VPS11: variants seen among roughly 807,000 people sequenced by gnomAD.
VPS11 encodes the protein VPS11 core subunit of CORVET and HOPS complexes.
A neutral mutation model predicts 106.8 loss-of-function variants in VPS11; 51 were observed. The ratio of observed to expected loss-of-function variants is 0.48; its 90% CI spans 0.38 to 0.60. The LOEUF (loss-of-function observed/expected upper bound fraction) is 0.60. VPS11 is among the 20% of genes least tolerant of loss of function. The pLI is 0.00. For missense variants in VPS11, 950 were observed against 1,190.0 expected (o/e 0.80, Z 2.97); for synonymous variants, 453 against 458.7 (o/e 0.99, Z 0.16).
intron 6 of VPS11, 70 bp from the exon 7 acceptor site, chr11:119,073,730 T>G (rs1006534267): frequency 6.6e-7 from 1 of 1,522,974 alleles, no homozygotes; most frequent in African/African-American, 1.4e-5. Flanking sequence ...TTGTGTGTTG[T>G]GCGCACATTT....
Position 119,067,918 on chromosome 11 carries a change from C to G in VPS11, c.95C>G (p.Thr32Arg). The G allele has an allele frequency of 6.2e-7, 1 of 1,610,030 alleles. No homozygotes were observed. The highest frequency in any genetic ancestry group is 8.5e-7 in the Non-Finnish European group (1 of 1,178,172). Reference sequence around the variant, plus strand: ...AATGATGGGGCCGCTCCCGGGGCCACACCTGCTTCTGGATCCGCTGCTTCC... The same window carrying G: ...AATGATGGGGCCGCTCCCGGGGCCAGACCTGCTTCTGGATCCGCTGCTTCC... ...LSNDGAAPGATPASGSAASKF... is the reference protein window; with the variant it reads ...LSNDGAAPGARPASGSAASKF... Residue 32 changes from threonine (T) to arginine (R), a missense_variant, in exon 1 of 16, where the codon ACA becomes AGA. Physicochemically the swap from Thr to Arg is moderately conservative, Grantham distance 71. Coordinates refer to ENST00000621676, the MANE Select transcript of VPS11 (RefSeq NM_021729.6).
In VPS11 at chr11:119,069,333, A is replaced by G. The variant is rs2134742699; in HGVS notation, c.325A>G (p.Ile109Val). The change falls in exon 2 of 16, where the codon ATC (isoleucine) becomes GTC (valine). Residue 109 changes from isoleucine (I) to valine (V), a missense_variant. Around this residue, in one of 3 missense-constraint regions of VPS11, gnomAD observed 435 missense variants for 630.2 expected, o/e 0.69. Transcript: ENST00000621676. ...LASVGEDEEGINPLVKIWNLE... is the reference protein window; with the variant it reads ...LASVGEDEEGVNPLVKIWNLE... ...ATCTGTTGGAGAAGATGAAGAGGGC[A>G]TCAACCCCTTGGTGAGTCCCAGCAG... is the stretch of plus-strand genomic sequence containing the variant. 1 of 1,614,034 alleles carries G rather than the reference A, an allele frequency of 6.2e-7. No individual in the cohort carries two copies. The highest frequency in any genetic ancestry group is 2.2e-5 in the East Asian group (1 of 44,884).
chr11:119,068,299 G>A (rs2133641576), intron 1 of VPS11: 94 of 403,122 alleles, frequency 2.3e-4, no homozygotes, highest in Non-Finnish European at 3.7e-4. Context: ...ATAAGAAAAA[G>A]AATGCAAGTT....
chr11:119,070,552 C>A, intron 4 of VPS11, 155 bp downstream of exon 4: 1 of 873,814 alleles, frequency 1.1e-6, no homozygotes, highest in Non-Finnish European at 1.6e-6. Flanking sequence ...ATTTTTTTGC[C>A]TAGGAAGCTG....
chr11:119,077,155 C>T lies in VPS11; in HGVS notation c.1425+72C>T, dbSNP rs1028975078. 10 of 1,539,058 alleles carry T rather than the reference C, an allele frequency of 6.5e-6. No homozygotes were observed. The African/African-American group carries it at 6.8e-5, about 11-fold the overall frequency. On this transcript the variant is annotated intron_variant, in intron 8 of 15. Coordinates refer to ENST00000621676, the MANE Select transcript of VPS11 (RefSeq NM_021729.6). ...TGAGGTGGCTCCACCGGGACTTGTT[C>T]GTTTCAGCAAGACATAGGGAGAGGA...
intron 9 of VPS11, 91 bp downstream of exon 9, chr11:119,077,738 AC>A: frequency 6.5e-7 from 1 of 1,540,266 alleles, no homozygotes; most frequent in East Asian, 2.3e-5. Flanking sequence ...TGATCCTCCC[AC>A]CCCATCCTCC....
chr11:119,077,553 T>A lies in VPS11; in HGVS notation c.1478T>A (p.Leu493His), dbSNP rs781873732. 1.9e-6 allele frequency: 3 copies of A among 1,613,908 alleles called. No individual in the cohort carries two copies. The East Asian group carries it at 6.7e-5, about 36-fold the overall frequency. The stretch of plus-strand genomic sequence containing the variant: ...GATGTGGAGACAGCCATCAAGGTCC[T>A]CCGGCAGGCTGGCTACTACTCCCAT... ...HFDVETAIKVLRQAGYYSHAL... is the reference protein window; with the variant it reads ...HFDVETAIKVHRQAGYYSHAL... Residue 493 changes from leucine (L) to histidine (H), a missense_variant, in exon 9 of 16, where the codon CTC becomes CAC. By Grantham distance (99) the Leu-to-His change is moderately conservative. Transcript: ENST00000621676.
In VPS11 at chr11:119,069,245, C is replaced by T. The variant is rs782149694; in HGVS notation, c.237C>T (p.Gly79=). Reference sequence around the variant, plus strand: ...TGCCACGTTCCCTACAGCTTACAGGCTTCCAAGCCTACAAACTACGGGTGA... The same window carrying T: ...TGCCACGTTCCCTACAGCTTACAGGTTTCCAAGCCTACAAACTACGGGTGA... ...WFLPRSLQLT[G]FQAYKLRVTH... is the part of the protein sequence containing the mutation. Residue 79 remains glycine (G), a synonymous_variant, in exon 2 of 16, where the codon GGC becomes GGT. Coordinates refer to ENST00000621676, the MANE Select transcript of VPS11 (RefSeq NM_021729.6). 1.2e-5 allele frequency: 20 copies of T among 1,613,866 alleles called. No homozygotes were observed. Among genetic ancestry groups the T allele is most frequent in the Admixed American group, 1.7e-5 (1 of 59,992 alleles).
intron 8 of VPS11, 46 bp from the exon 9 acceptor site, chr11:119,077,455 C>A: frequency 6.3e-7 from 1 of 1,592,604 alleles, no homozygotes; most frequent in South Asian, 1.1e-5. Flanking sequence ...TCTCCCTTCT[C>A]TATCTCCCTC....
chr11:119,079,496 T>C (rs560549784), intron 14 of VPS11, among the ~76,000 whole-genome samples, 196 bp downstream of exon 14: 1 of 152,342 alleles, frequency 6.6e-6, no homozygotes, highest in South Asian at 2.1e-4. Flanking sequence ...TTGGATGATA[T>C]TATTTTGTAG....
At position 119,078,822 on chromosome 11, in the gene VPS11, G is replaced by A; in HGVS notation, c.2091G>A (p.Met697Ile). The change falls in exon 13 of 16, where the codon ATG (methionine) becomes ATA (isoleucine). Residue 697 changes from methionine to isoleucine, a missense_variant. Physicochemically the swap from Met to Ile is conservative, Grantham distance 10. Around this residue, in one of 3 missense-constraint regions of VPS11, gnomAD observed 453 missense variants for 514.6 expected, o/e 0.88. Transcript: ENST00000621676. ...TCCAGCAGATCATGCACTACCACAT[G>A]CAGCACGAGCAGTACCGGCAGGTCA... is the stretch of plus-strand genomic sequence containing the variant. ...KLFQQIMHYH[M>I]QHEQYRQVIS... is the part of the protein sequence containing the mutation. 1.2e-6 allele frequency: 2 copies of A among 1,613,776 alleles called. No individual in the cohort carries two copies. The highest frequency in any genetic ancestry group is 1.7e-6 in the Non-Finnish European group (2 of 1,179,798).
At chr11:119,069,051 C>A in intron 1 of VPS11, 145 bp from the exon 2 acceptor site, 1 of 785,042 alleles carries the variant, frequency 1.3e-6, no homozygotes. Context: ...TGAGTCACCG[C>A]GCCTGGCCTC....
Position 119,077,361 on chromosome 11 carries a change from C to T in VPS11, c.1426-140C>T, listed in dbSNP as rs190600568. On this transcript the variant is annotated intron_variant, in intron 8 of 15. Coordinates refer to ENST00000621676, the MANE Select transcript of VPS11 (RefSeq NM_021729.6). The stretch of plus-strand genomic sequence containing the variant: ...CAGAGGAAAACTTTAGTCAGAAACT[C>T]CCACAGGCTGAGTAGCATAATATTT... 2.5e-3 allele frequency: 3,218 copies of T among 1,272,982 alleles called. 7 individuals are homozygous for T. Among genetic ancestry groups the T allele is most frequent in the Non-Finnish European group, 3.0e-3 (2,829 of 941,984 alleles). The allele number at this position is 1,272,982 out of a possible 1,614,324, so 78.9% of individuals were successfully genotyped here.
At chr11:119,075,135 C>T (rs894467988) in intron 7 of VPS11, among the ~76,000 whole-genome samples, 12 of 151,904 alleles carry the variant, frequency 7.9e-5, no homozygotes, top group South Asian at 4.1e-4. Context: ...GGTGTCGTGG[C>T]GGGCGCCTGT....
chr11:119,081,295 A>C lies in VPS11; in HGVS notation c.2642A>C (p.His881Pro). ...GCCCAGGAACAGAAACGAGATCTCC[A>C]TGATCAATTCCAGCATCAGGTGGGG... Reference protein sequence around the residue: ...IRAQEQKRDLHDQFQHQLKCS... With the variant: ...IRAQEQKRDLPDQFQHQLKCS... Residue 881 changes from histidine (H) to proline (P), a missense_variant, in exon 15 of 16, where the codon CAT becomes CCT. By Grantham distance (77) the His-to-Pro change is moderately conservative (BLOSUM62 -2). Transcript: ENST00000621676. 6.2e-7 allele frequency: 1 copy of C among 1,613,982 alleles called. No individual in the cohort carries two copies. Among genetic ancestry groups the C allele is most frequent in the South Asian group, 1.1e-5 (1 of 91,080 alleles).
rs551126486 is a variant in VPS11, at chr11:119,072,166, A to T, written c.884+323A>T. On this transcript the variant is annotated intron_variant, in intron 5 of 15. Transcript: ENST00000621676. Reference sequence around the variant, plus strand: ...TTTTCAGTAGAGACGAGGTTTCACCATGTTGGCCAGGCTGGTGTCAGACTC... The same window carrying T: ...TTTTCAGTAGAGACGAGGTTTCACCTTGTTGGCCAGGCTGGTGTCAGACTC... The T allele has an allele frequency of 1.9e-4, 50 of 268,102 alleles. No individual in the cohort carries two copies. In the South Asian group the frequency reaches 2.1e-3, roughly 11 times the overall value. 16.6% of individuals were successfully genotyped at this position (268,102 alleles called of 1,614,324 possible). A position where few individuals can be genotyped will look rare whatever the true frequency, so the allele number is the denominator to read the frequency against.
Position 119,079,210 on chromosome 11 carries a change from G to A in VPS11, c.2348G>A (p.Ser783Asn). ...CTGGTCCAAAAACTACAGAAACAGA[G>A]CCAGCAGATTGCACAGGATGAGCTG... ...DYLVQKLQKQ[S>N]QQIAQDELRV... is the part of the protein sequence containing the mutation. Residue 783 changes from serine to asparagine, a missense_variant, in exon 14 of 16, where the codon AGC becomes AAC. Ser to Asn is a conservative substitution (Grantham distance 46). Coordinates refer to ENST00000621676, the MANE Select transcript of VPS11 (RefSeq NM_021729.6). 6.2e-7 allele frequency: 1 copy of A among 1,613,202 alleles called. No homozygotes were observed. Among genetic ancestry groups the A allele is most frequent in the Non-Finnish European group, 8.5e-7 (1 of 1,179,544 alleles).
chr11:119,073,346 C>T lies in VPS11; in HGVS notation c.1033C>T (p.Arg345Trp), dbSNP rs782811476. The T allele has an allele frequency of 1.5e-5, 25 of 1,613,682 alleles. No individual in the cohort carries two copies. The highest frequency in any genetic ancestry group is 1.9e-5 in the Non-Finnish European group (22 of 1,179,880). Residue 345 changes from arginine to tryptophan, a missense_variant, in exon 6 of 16, where the codon CGG (arginine) becomes TGG (tryptophan). By Grantham distance (101) the Arg-to-Trp change is moderately radical. Transcript: ENST00000621676. Reference protein sequence around the residue: ...AEWGSLYVLTRDGRVHALQEK... With the variant: ...AEWGSLYVLTWDGRVHALQEK... ...GTGGGGCTCCCTGTACGTGCTGACG[C>T]GGGATGGGCGGGTCCACGCACTGCA...
At chr11:119,080,950 G>C in intron 14 of VPS11, 142 bp from the exon 15 acceptor site, 1 of 735,012 alleles carries the variant, frequency 1.4e-6, no homozygotes, top group South Asian at 1.7e-5. Flanking sequence ...ACTCCCTTAA[G>C]GCGATAAGAA....
Sources: allele counts gnomAD v4.1 joint callset (sites outside exome capture counted in the v4.1 genomes callset), GRCh38; gene constraint gnomAD v4.1.1; regional missense constraint gnomAD v4.1.1; transcripts MANE v1.5; gene names NCBI Gene and HGNC (gene_info 2026-07-23, HGNC 2026-07-21).